Variants in MIS18A observed in about 807,000 individuals in gnomAD.
The protein encoded by MIS18A is MIS18 kinetochore protein A.
In MIS18A, 14 loss-of-function variants were observed where a neutral mutation model predicts 25.0. The ratio of observed to expected loss-of-function variants is 0.56; its 90% CI spans 0.37 to 0.88. MIS18A has a LOEUF of 0.88. Among genes scored for constraint, MIS18A ranks in the 40% least tolerant of loss-of-function variants. The pLI is 0.00. For synonymous variants in MIS18A, 134 were observed against 118.6 expected (o/e 1.13, Z -0.84); for missense variants, 292 against 290.8 (o/e 1.00, Z -0.03).
At chr21:32,256,463 G>A in the MIS18A span, among the ~76,000 whole-genome samples, 1 of 152,146 alleles carries the variant, frequency 6.6e-6, no homozygotes, top group African/African-American at 2.4e-5. Context: ...TTTGTTCAAT[G>A]GCTCTCTACC....
chr21:32,268,964 T>G lies in MIS18A; in HGVS notation c.*73A>C. The G allele has an allele frequency of 9.6e-7, 1 of 1,044,586 alleles. No homozygotes were observed. Among genetic ancestry groups the G allele is most frequent in the South Asian group, 1.8e-5 (1 of 56,354 alleles). 64.7% of individuals were successfully genotyped at this position (1,044,586 alleles called of 1,614,324 possible). The stretch of plus-strand genomic sequence containing the variant: ...TCTTTTTTTTTTTGTAGAGACGACG[T>G]CTCACTATGTTGCTTCATTTAACAA... On this transcript the variant is annotated 3_prime_UTR_variant, in exon 5 of 5. Transcript: ENST00000290130.
chr21:32,203,752 G>A, the MIS18A span, among the ~76,000 whole-genome samples: 3 of 151,488 alleles, frequency 2.0e-5, no homozygotes, highest in Admixed American at 2.0e-4. Context: ...GAGTAGCTGG[G>A]ACTACAGGAA....
chr21:32,251,464 C>A, the MIS18A span, among the ~76,000 whole-genome samples: 2 of 152,064 alleles, frequency 1.3e-5, no homozygotes, highest in African/African-American at 4.8e-5. Flanking sequence ...ATCCTTAAAT[C>A]GCTAACCACT....
At chr21:32,257,841 C>T in the MIS18A span, among the ~76,000 whole-genome samples, 10 of 152,218 alleles carry the variant, frequency 6.6e-5, no homozygotes, top group African/African-American at 2.2e-4. Flanking sequence ...ACTTAATGCA[C>T]GAGTATTTTT....
chr21:32,213,559 T>C, the MIS18A span, among the ~76,000 whole-genome samples: 150 of 152,328 alleles, frequency 9.8e-4, no homozygotes, highest in African/African-American at 3.4e-3. Context: ...GGCTGGGAGA[T>C]GGGAGAAGAG....
chr21:32,244,684 C>G, the MIS18A span, among the ~76,000 whole-genome samples: 1 of 152,128 alleles, frequency 6.6e-6, no homozygotes, highest in African/African-American at 2.4e-5. Flanking sequence ...CTGCAGTGAG[C>G]TATGATTGAG....
At chr21:32,204,209 A>C in the MIS18A span, among the ~76,000 whole-genome samples, 1 of 152,168 alleles carries the variant, frequency 6.6e-6, no homozygotes, top group Non-Finnish European at 1.5e-5. Context: ...GCAAATGAAA[A>C]AAAGGAAGGC....
At chr21:32,230,770 C>A in the MIS18A span, among the ~76,000 whole-genome samples, 2 of 152,102 alleles carry the variant, frequency 1.3e-5, no homozygotes, top group Non-Finnish European at 2.9e-5. Flanking sequence ...AAGTAAGAAC[C>A]AAAACTCTTA....
At chr21:32,220,971 T>C in the MIS18A span, among the ~76,000 whole-genome samples, 17 of 151,864 alleles carry the variant, frequency 1.1e-4, no homozygotes, top group Non-Finnish European at 2.2e-4. Context: ...CCAAGAAATA[T>C]GGGACTATGT....
chr21:32,242,727 A>T, the MIS18A span, among the ~76,000 whole-genome samples: 3 of 152,320 alleles, frequency 2.0e-5, no homozygotes, highest in African/African-American at 7.2e-5. Context: ...TATCAAAAAG[A>T]ATGTCCCTAT....
At chr21:32,181,388 G>A in the MIS18A span, among the ~76,000 whole-genome samples, 1 of 152,128 alleles carries the variant, frequency 6.6e-6, no homozygotes, top group African/African-American at 2.4e-5. Context: ...TCTCTTTGTA[G>A]ATACAGATAT....
At chr21:32,173,448 T>C in the MIS18A span, among the ~76,000 whole-genome samples, 1 of 152,158 alleles carries the variant, frequency 6.6e-6, no homozygotes, top group African/African-American at 2.4e-5. Flanking sequence ...CCTACAAATA[T>C]ACCCAAGAGA....
chr21:32,159,958 G>C, the MIS18A span, among the ~76,000 whole-genome samples: 89,603 of 151,966 alleles, frequency 0.59, 28,244 homozygotes, highest in African/African-American at 0.83. Flanking sequence ...GTGCCTGACT[G>C]TTAGTTGATT....
At chr21:32,248,471 T>C in the MIS18A span, among the ~76,000 whole-genome samples, 1 of 152,192 alleles carries the variant, frequency 6.6e-6, no homozygotes, top group Non-Finnish European at 1.5e-5. Flanking sequence ...AGGTGCTCAA[T>C]AAAAGCTTGT....
In MIS18A at chr21:32,278,855, A is replaced by T; in HGVS notation, c.160T>A (p.Ser54Thr). ...LLQKWASMWS[S>T]MSEDASVADM... ...GCCACCGACGCGTCTTCGCTCATGG[A>T]GCTCCACATGCTCGCCCACTTCTGC... is the stretch of plus-strand genomic sequence containing the variant. The change falls in exon 1 of 5, where the codon TCC becomes ACC. Residue 54 changes from serine (S) to threonine (T), a missense_variant. Transcript: ENST00000290130. 1 of 1,612,114 alleles carries T rather than the reference A, an allele frequency of 6.2e-7. No individual in the cohort carries two copies. The highest frequency in any genetic ancestry group is 1.7e-5 in the Admixed American group (1 of 59,818).
At chr21:32,176,805 GA>G in the MIS18A span, among the ~76,000 whole-genome samples, 1 of 150,058 alleles carries the variant, frequency 6.7e-6, no homozygotes, top group Non-Finnish European at 1.5e-5. Flanking sequence ...AAAATCAAGT[GA>G]AAAAAAAAGT....
intron 2 of MIS18A, among the ~76,000 whole-genome samples, chr21:32,270,968 G>A (rs908043113): frequency 6.6e-6 from 1 of 152,108 alleles, no homozygotes; most frequent in Non-Finnish European, 1.5e-5. Context: ...ATGGGTGCCC[G>A]CCCCATGGGC....
At chr21:32,264,857 T>C (rs981143694), downstream of MIS18A, among the ~76,000 whole-genome samples, 1 of 152,244 alleles carries the variant, frequency 6.6e-6, no homozygotes, top group Non-Finnish European at 1.5e-5. Context: ...CTACACAGAA[T>C]GGTGCCTCCA....
At chr21:32,194,983 T>A in the MIS18A span, among the ~76,000 whole-genome samples, 12 of 152,122 alleles carry the variant, frequency 7.9e-5, no homozygotes, top group African/African-American at 2.9e-4. Flanking sequence ...AGCCCAGGCC[T>A]CTCCAGTCCA....
Sources: gnomAD v4.1 joint callset for allele counts (sites outside exome capture counted in the v4.1 genomes callset) on GRCh38, gnomAD v4.1.1 for gene constraint, MANE v1.5 for transcripts, NCBI Gene and HGNC (gene_info 2026-07-23, HGNC 2026-07-21) for gene names.